The following GRM5 variants were observed in gnomAD, a reference collection of about 807,000 sequenced individuals.
The protein encoded by GRM5 is glutamate metabotropic receptor 5.
In GRM5, 19 loss-of-function variants were observed where a neutral mutation model predicts 83.1. The ratio of observed to expected loss-of-function variants is 0.23; its 90% confidence interval spans 0.16 to 0.34. The LOEUF (loss-of-function observed/expected upper bound fraction) is 0.34, where lower values mean the gene tolerates loss of function less well. Among genes scored for constraint, GRM5 ranks in the 10% least tolerant of loss-of-function variants. The pLI is 1.00. For synonymous variants in GRM5, 675 were observed against 633.6 expected (o/e 1.07, Z -0.98); for missense variants, 1,160 against 1,588.3 (o/e 0.73, Z 4.58).
intron 3 of GRM5, among the ~76,000 whole-genome samples, chr11:88,724,897 T>C (rs553652135): frequency 6.6e-6 from 1 of 152,110 alleles, no homozygotes; most frequent in African/African-American, 2.4e-5. Context: ...TGACAAAGTC[T>C]TCACAACCCG....
chr11:88,945,891 C>G (rs1431179508), intron 2 of GRM5, among the ~76,000 whole-genome samples: 1 of 152,054 alleles, frequency 6.6e-6, no homozygotes, highest in East Asian at 1.9e-4. Context: ...CAAGTCAGAT[C>G]TAGTTAAACA....
At chr11:88,648,980 C>A (rs11020785) in intron 4 of GRM5, among the ~76,000 whole-genome samples, 100,858 of 146,058 alleles carry the variant, frequency 0.69, 40,198 homozygotes, top group Non-Finnish European at 0.9. Flanking sequence ...GCTCTGGAAA[C>A]CCTAAGAAAG....
intron 3 of GRM5, among the ~76,000 whole-genome samples, chr11:88,668,431 A>G (rs1464132553): frequency 2.6e-5 from 4 of 152,020 alleles, no homozygotes; most frequent in African/African-American, 7.2e-5. Flanking sequence ...TTCAAAAAAA[A>G]GCAAAGAGGA....
intron 7 of GRM5, among the ~76,000 whole-genome samples, chr11:88,571,826 T>C (rs1392700452): frequency 1.3e-5 from 2 of 151,938 alleles, no homozygotes; most frequent in African/African-American, 2.4e-5. Context: ...GGGAGATAGA[T>C]TGAAAAGGCA....
intron 4 of GRM5, among the ~76,000 whole-genome samples, chr11:88,621,892 T>C (rs1395207646): frequency 6.6e-6 from 1 of 152,180 alleles, no homozygotes; most frequent in Non-Finnish European, 1.5e-5. Context: ...AGAGTTCACA[T>C]ATTGCACACA....
intron 3 of GRM5, among the ~76,000 whole-genome samples, chr11:88,816,522 G>C (rs566161670): frequency 1.5e-5 from 2 of 131,274 alleles, no homozygotes; most frequent in African/African-American, 5.6e-5. Flanking sequence ...GTGGGCAACA[G>C]AGCAAGACTC....
At chr11:88,740,894 C>T (rs1406876712) in intron 3 of GRM5, among the ~76,000 whole-genome samples, 1 of 151,954 alleles carries the variant, frequency 6.6e-6, no homozygotes, top group Non-Finnish European at 1.5e-5. Context: ...AGAGGTAAGT[C>T]CTAGTAAGGA....
intron 3 of GRM5, among the ~76,000 whole-genome samples, chr11:88,772,681 T>C (rs1942765474): frequency 6.6e-6 from 1 of 152,078 alleles, no homozygotes; most frequent in African/African-American, 2.4e-5. Context: ...TTCCCACCTA[T>C]GAGTGAGAAC....
At chr11:88,534,034 T>C (rs1314214122) in intron 8 of GRM5, among the ~76,000 whole-genome samples, 4 of 152,124 alleles carry the variant, frequency 2.6e-5, no homozygotes, top group South Asian at 2.1e-4. Context: ...AAGTCAGGAA[T>C]TGAGGTTCAG....
At chr11:88,942,251 C>T (rs1334797729) in intron 2 of GRM5, among the ~76,000 whole-genome samples, 1 of 151,888 alleles carries the variant, frequency 6.6e-6, no homozygotes, top group Non-Finnish European at 1.5e-5. Flanking sequence ...GATGAAATGT[C>T]ATGACATTTA....
intron 3 of GRM5, among the ~76,000 whole-genome samples, chr11:88,749,266 T>C (rs1029309057): frequency 3.3e-5 from 5 of 151,938 alleles, no homozygotes; most frequent in Non-Finnish European, 5.9e-5. Flanking sequence ...GTAATGGAGA[T>C]AAAAAACACA....
At chr11:88,845,212 G>GC in intron 3 of GRM5, among the ~76,000 whole-genome samples, 1 of 151,868 alleles carries the variant, frequency 6.6e-6, no homozygotes. Flanking sequence ...CACAGCCACT[G>GC]CCACCTTCAG....
chr11:88,803,175 G>GA (rs1446230299), intron 3 of GRM5, among the ~76,000 whole-genome samples: 2 of 150,260 alleles, frequency 1.3e-5, no homozygotes, highest in South Asian at 2.1e-4. Context: ...CACAGAATTG[G>GA]AAAAAACTAC....
intron 3 of GRM5, among the ~76,000 whole-genome samples, chr11:88,668,066 T>C (rs1198545019): frequency 1.3e-5 from 2 of 152,046 alleles, no homozygotes; most frequent in African/African-American, 2.4e-5. Context: ...TTGTGAAATA[T>C]GTTATGGAAA....
At chr11:88,902,171 TTTG>T (rs1171181784) in intron 2 of GRM5, among the ~76,000 whole-genome samples, 1 of 151,872 alleles carries the variant, frequency 6.6e-6, no homozygotes, top group Non-Finnish European at 1.5e-5. Flanking sequence ...TTTTTGTTTG[TTTG>T]TTTTTTTAAT....
chr11:88,641,589 C>T (rs553858927), intron 4 of GRM5, among the ~76,000 whole-genome samples: 1 of 152,240 alleles, frequency 6.6e-6, no homozygotes, highest in South Asian at 2.1e-4. Flanking sequence ...TCCCAAGATA[C>T]AATGGGGGTT....
At chr11:88,988,110 G>GA (rs1239649568) in intron 2 of GRM5, among the ~76,000 whole-genome samples, 3 of 147,810 alleles carry the variant, frequency 2.0e-5, no homozygotes, top group Non-Finnish European at 4.5e-5. Flanking sequence ...TGAAAACTTT[G>GA]AAAAAAATTT....
intron 2 of GRM5, among the ~76,000 whole-genome samples, chr11:88,877,480 TTTA>T (rs1186408834): frequency 6.6e-6 from 1 of 151,848 alleles, no homozygotes; most frequent in Admixed American, 6.6e-5. Flanking sequence ...CATTAAGCAG[TTTA>T]TTATTATTAT....
intron 3 of GRM5, among the ~76,000 whole-genome samples, chr11:88,846,885 G>C (rs1944311053): frequency 6.6e-6 from 1 of 151,932 alleles, no homozygotes; most frequent in Non-Finnish European, 1.5e-5. Flanking sequence ...TTAAAAATTT[G>C]AATTATCTAA....
Sources: gnomAD v4.1 joint callset for allele counts (sites outside exome capture counted in the v4.1 genomes callset) on GRCh38, gnomAD v4.1.1 for gene constraint, MANE v1.5 for transcripts, NCBI Gene and HGNC (gene_info 2026-07-23, HGNC 2026-07-21) for gene names.